The following CHEK1 variants were observed in gnomAD, a reference collection of about 807,000 sequenced individuals.
The protein encoded by CHEK1 is checkpoint kinase 1.
Under a neutral mutation model 60.2 loss-of-function variants are expected in CHEK1, and 32 were observed. The observed-to-expected ratio is 0.53, with a 90% CI of 0.40 to 0.71. CHEK1 has a LOEUF of 0.71. Ranked by LOEUF, CHEK1 falls within the 30% of genes least tolerant of loss-of-function variation. The pLI is 0.00. For synonymous variants in CHEK1, 179 were observed against 187.2 expected (o/e 0.96, Z 0.36); for missense variants, 399 against 564.6 (o/e 0.71, Z 2.97).
intron 5 of CHEK1, among the ~76,000 whole-genome samples, chr11:125,632,215 T>G (rs1940894130): frequency 6.6e-6 from 1 of 152,232 alleles, no homozygotes; most frequent in Non-Finnish European, 1.5e-5. Context: ...ACATTTTCCA[T>G]TGTACAAATT....
downstream of CHEK1, among the ~76,000 whole-genome samples, chr11:125,660,343 G>A (rs914127423): frequency 6.6e-6 from 1 of 152,116 alleles, no homozygotes; most frequent in Admixed American, 6.5e-5. Context: ...AGAGAAGCAT[G>A]TTAAAATTTA....
intron 8 of CHEK1, among the ~76,000 whole-genome samples, chr11:125,642,258 T>C (rs566362458): frequency 6.6e-6 from 1 of 152,380 alleles, no homozygotes; most frequent in African/African-American, 2.4e-5. Flanking sequence ...TCTTAAATTT[T>C]TAAAATTTTT....
chr11:125,652,627 C>T (rs1291503435), intron 11 of CHEK1, among the ~76,000 whole-genome samples: 1 of 152,064 alleles, frequency 6.6e-6, no homozygotes, highest in Non-Finnish European at 1.5e-5. Context: ...AGAAGAGAGA[C>T]TCTGGAATGA....
At chr11:125,672,805 G>A (rs1033075227) in intron 13 of CHEK1, 1 of 1,513,100 alleles carries the variant, frequency 6.6e-7, no homozygotes, top group Non-Finnish European at 8.9e-7. Flanking sequence ...CTCCATGCAG[G>A]ATGGTCAAGA....
chr11:125,640,398 G>A (rs544828452), intron 8 of CHEK1, among the ~76,000 whole-genome samples: 3 of 152,016 alleles, frequency 2.0e-5, no homozygotes, highest in East Asian at 1.9e-4. Flanking sequence ...AAAATTAGCC[G>A]GGCGAGGTGG....
At chr11:125,672,120 G>C (rs543704106) in intron 13 of CHEK1, 4 of 152,740 alleles carry the variant, frequency 2.6e-5, no homozygotes, top group Non-Finnish European at 5.8e-5. Flanking sequence ...TGGAAAAGGG[G>C]GGGTGTCAGA....
At chr11:125,669,434 C>T (rs1215713786) in intron 13 of CHEK1, among the ~76,000 whole-genome samples, 1 of 150,808 alleles carries the variant, frequency 6.6e-6, no homozygotes, top group Non-Finnish European at 1.5e-5. Context: ...TGTATCTTTT[C>T]TTTAGACCAG....
intron 13 of CHEK1, chr11:125,672,500 G>A: frequency 6.7e-7 from 1 of 1,484,700 alleles, no homozygotes; most frequent in Non-Finnish European, 9.2e-7. Context: ...GTGGTCAGTT[G>A]TTGACTGGGG....
chr11:125,653,925 T>C lies in CHEK1; in HGVS notation c.1335+78T>C, dbSNP rs540862740. 368 of 772,462 alleles carry C rather than the reference T, an allele frequency of 4.8e-4. 3 individuals carry two copies. The South Asian group carries it at 6.7e-3, about 14-fold the overall frequency. The allele number at this position is 772,462 out of a possible 1,614,324, so 47.9% of individuals were successfully genotyped here. On this transcript the variant is annotated intron_variant, in intron 12 of 12. Transcript: ENST00000438015. The surrounding 1 kb of genome is among the most constrained non-coding windows in gnomAD (Gnocchi z 4.3). ...TTTTTAATGGCATTATGTTTGTATA[T>C]ATGTGGCATTTGTAAATAGGTTACT...
chr11:125,625,853 C>T lies in CHEK1; in HGVS notation c.-180C>T, dbSNP rs890376583. 9 of 702,530 alleles carry T rather than the reference C, an allele frequency of 1.3e-5. No individual in the cohort carries two copies. Among genetic ancestry groups the T allele is most frequent in the Non-Finnish European group, 2.1e-5 (8 of 385,018 alleles). 43.5% of individuals were successfully genotyped at this position (702,530 alleles called of 1,614,324 possible). ...GGAGCGGCAACATCTCCACGTCACC[C>T]TTTTGGAGCCGCCGACATTCAGAGG... On this transcript the variant is annotated 5_prime_UTR_variant, in exon 1 of 13. Coordinates refer to ENST00000438015, the MANE Select transcript of CHEK1 (RefSeq NM_001114122.3).
At chr11:125,634,332 T>G (rs530008454) in intron 6 of CHEK1, among the ~76,000 whole-genome samples, 2 of 151,568 alleles carry the variant, frequency 1.3e-5, no homozygotes, top group East Asian at 1.9e-4. Flanking sequence ...TTTTTTGTGG[T>G]TTTTTTTGAG....
intron 11 of CHEK1, among the ~76,000 whole-genome samples, chr11:125,651,006 A>G (rs1941705672): frequency 6.6e-6 from 1 of 152,078 alleles, no homozygotes; most frequent in African/African-American, 2.4e-5. Flanking sequence ...GGGCCTTCTC[A>G]GCTCTTTCCT....
intron 13 of CHEK1, among the ~76,000 whole-genome samples, chr11:125,669,619 G>A (rs1486848776): frequency 6.6e-6 from 1 of 150,390 alleles, no homozygotes; most frequent in Non-Finnish European, 1.5e-5. Context: ...CGCCTCCCGG[G>A]TTTAAGTGAT....
Position 125,627,618 on chromosome 11 carries a change from C to G in CHEK1, c.77C>G (p.Ala26Gly). Residue 26 changes from alanine to glycine, a missense_variant, in exon 3 of 13, where the codon GCT becomes GGT. Ala to Gly is a moderately conservative substitution (Grantham distance 60, BLOSUM62 0). Transcript: ENST00000438015. ...GEGAYGEVQL[A>G]VNRVTEEAVA... The stretch of plus-strand genomic sequence containing the variant: ...CTTTTCCTTTTTAGAGTTCAACTTG[C>G]TGTGAATAGAGTAACTGAAGAAGCA... 6.2e-7 allele frequency: 1 copy of G among 1,611,132 alleles called. No individual in the cohort carries two copies. Among genetic ancestry groups the G allele is most frequent in the East Asian group, 2.2e-5 (1 of 44,748 alleles).
At chr11:125,675,373 A>G (rs1942452441) in intron 13 of CHEK1, among the ~76,000 whole-genome samples, 1 of 152,058 alleles carries the variant, frequency 6.6e-6, no homozygotes, top group African/African-American at 2.4e-5. Flanking sequence ...TTATAACATA[A>G]TCTCTTTGTA....
chr11:125,665,412 AT>A (rs765363411), intron 13 of CHEK1, among the ~76,000 whole-genome samples: 2 of 151,940 alleles, frequency 1.3e-5, no homozygotes, highest in Admixed American at 6.6e-5. Flanking sequence ...TTGCATCTAT[AT>A]TTATCAGGGA....
chr11:125,625,378 C>T lies in CHEK1; in HGVS notation c.-655C>T. On this transcript the variant is annotated 5_prime_UTR_variant, in exon 1 of 13. Coordinates refer to ENST00000438015, the MANE Select transcript of CHEK1 (RefSeq NM_001114122.3). Reference sequence around the variant, plus strand: ...AACTTGCCCCGCCACACACACTTGACTGCGTGGCCAGTTCTTTCGAAGCCT... The same window carrying T: ...AACTTGCCCCGCCACACACACTTGATTGCGTGGCCAGTTCTTTCGAAGCCT... 3.8e-6 allele frequency: 1 copy of T among 260,934 alleles called. No individual in the cohort carries two copies. The highest frequency in any genetic ancestry group is 5.6e-5 in the East Asian group (1 of 17,912). 16.2% of individuals were successfully genotyped at this position (260,934 alleles called of 1,614,324 possible). A position where few individuals can be genotyped will look rare whatever the true frequency, so the allele number is the denominator to read the frequency against.
intron 2 of CHEK1, 40 bp downstream of exon 2, chr11:125,626,873 A>G (rs1940637024): frequency 1.3e-6 from 2 of 1,599,934 alleles, no homozygotes. Flanking sequence ...CTGAGTGCAT[A>G]TTCATTGTTT....
downstream of CHEK1, among the ~76,000 whole-genome samples, chr11:125,678,978 T>TTTTATATATATATATATATATA: frequency 1.1e-5 from 1 of 88,444 alleles, no homozygotes; most frequent in East Asian, 3.0e-4. Context: ...TCTAGGCATA[T>TTTTATATATATATATATATATA]TATATATATA....
Sources: allele counts gnomAD v4.1 joint callset (sites outside exome capture counted in the v4.1 genomes callset), GRCh38; gene constraint gnomAD v4.1.1; non-coding constraint Gnocchi (gnomAD v3.1); transcripts MANE v1.5; gene names NCBI Gene and HGNC (gene_info 2026-07-23, HGNC 2026-07-21).